Variants in SPOCK2 observed in about 807,000 individuals in gnomAD.
SPOCK2 encodes testican-2.
SPOCK2 carries 39 observed loss-of-function variants against 60.1 expected under a neutral mutation model. The observed-to-expected ratio is 0.65, with a 90% CI of 0.50 to 0.85. The LOEUF (loss-of-function observed/expected upper bound fraction) is 0.85, where lower values mean the gene tolerates loss of function less well. Ranked by LOEUF, SPOCK2 falls within the 40% of genes least tolerant of loss-of-function variation. The pLI is 0.00. For missense variants in SPOCK2, 523 were observed against 567.4 expected (o/e 0.92, Z 0.80); for synonymous variants, 217 against 231.5 (o/e 0.94, Z 0.57).
At chr10:72,063,237 C>T in intron 9 of SPOCK2, 75 bp from the exon 10 acceptor site, 2 of 1,534,916 alleles carry the variant, frequency 1.3e-6, no homozygotes, top group Non-Finnish European at 1.8e-6. Flanking sequence ...GACCTCAGGT[C>T]CTCATGCATG....
At chr10:72,078,942 T>C (rs1019373233) in intron 1 of SPOCK2, among the ~76,000 whole-genome samples, 1 of 152,248 alleles carries the variant, frequency 6.6e-6, no homozygotes, top group African/African-American at 2.4e-5. Context: ...TTCTTCTCTC[T>C]ATGCCCAACA....
intron 1 of SPOCK2, among the ~76,000 whole-genome samples, chr10:72,082,853 CAAAAAA>C (rs770751183): frequency 1.1e-4 from 5 of 46,046 alleles, no homozygotes; most frequent in Admixed American, 1.0e-3. Context: ...GACCCTGTCT[CAAAAAA>C]AAAAAAAAAA....
chr10:72,062,658 AG>A lies in SPOCK2; in HGVS notation c.*101del. ...CACTCCCAGTCCCCCCAGGTGGAGC[AG>A]GGTCCTTCTGACTGCATTTCTGGAT... On this transcript the variant is annotated 3_prime_UTR_variant, in exon 11 of 11. Transcript: ENST00000373109. The surrounding 1 kb of genome is among the most constrained non-coding windows in gnomAD (Gnocchi z 4.3). The A allele has an allele frequency of 6.6e-7, 1 of 1,512,764 alleles. No individual in the cohort carries two copies. Among genetic ancestry groups the A allele is most frequent in the Non-Finnish European group, 8.8e-7 (1 of 1,139,308 alleles). The allele number at this position is 1,512,764 out of a possible 1,614,324, so 93.7% of individuals were successfully genotyped here. A position where few individuals can be genotyped will look rare whatever the true frequency, so the allele number is the denominator to read the frequency against.
intron 8 of SPOCK2, among the ~76,000 whole-genome samples, chr10:72,064,824 G>A (rs907069090): frequency 2.0e-4 from 30 of 151,884 alleles, no homozygotes; most frequent in Admixed American, 5.9e-4. Flanking sequence ...TCTGCCTCCC[G>A]GGTTCACGCC....
intron 1 of SPOCK2, 23 bp from the exon 2 acceptor site, chr10:72,072,933 A>G: frequency 6.4e-7 from 1 of 1,554,314 alleles, no homozygotes; most frequent in Non-Finnish European, 8.7e-7. Flanking sequence ...GAACAGCAGC[A>G]GGCCATGGAA....
intron 1 of SPOCK2, among the ~76,000 whole-genome samples, chr10:72,074,382 C>T (rs912992626): frequency 2.0e-5 from 3 of 151,866 alleles, no homozygotes; most frequent in Admixed American, 1.3e-4. Flanking sequence ...GTGCATGCTT[C>T]TGCATGTGTG....
At chr10:72,064,386 T>A (rs1840539753) in intron 8 of SPOCK2, 146 bp from the exon 9 acceptor site, 1 of 876,618 alleles carries the variant, frequency 1.1e-6, no homozygotes, top group Admixed American at 3.4e-5. Flanking sequence ...ACAGCAGGGG[T>A]GGGAAGTACA....
intron 1 of SPOCK2, 59 bp downstream of exon 1, chr10:72,088,081 G>A: frequency 6.3e-7 from 1 of 1,591,646 alleles, no homozygotes; most frequent in Non-Finnish European, 8.6e-7. Context: ...GCAGACCCCG[G>A]AGCTCAATCC....
At chr10:72,075,157 C>T (rs1351184267) in intron 1 of SPOCK2, among the ~76,000 whole-genome samples, 1 of 152,174 alleles carries the variant, frequency 6.6e-6, no homozygotes, top group Non-Finnish European at 1.5e-5. Context: ...GTCCACCCCA[C>T]AGGAGATGGA....
rs531842927 is a variant in SPOCK2 at position 72,063,051 on chromosome 10, G to C, written c.1103C>G (p.Thr368Arg). 1.3e-6 allele frequency: 2 copies of C among 1,553,534 alleles called. No homozygotes were observed. Among genetic ancestry groups the C allele is most frequent in the East Asian group, 4.9e-5 (2 of 41,012 alleles). The change falls in exon 10 of 11, where the codon ACG (threonine) becomes AGG (arginine). Residue 368 changes from threonine to arginine, a missense_variant. Thr to Arg is a moderately conservative substitution (Grantham distance 71). Transcript: ENST00000373109. ...GCAGTCGGGGCTCCCATGCGTGCGC[G>C]TGCCAGTCAGCTCCAGGCCCAGCTG... ...VDQLGLELTG[T>R]RTHGSPDCDD...
At chr10:72,068,667 CCT>C in intron 5 of SPOCK2, 1 of 249,054 alleles carries the variant, frequency 4.0e-6, no homozygotes. Context: ...GCTCTCATGG[CCT>C]GTTCCTTGGT....
intron 1 of SPOCK2, among the ~76,000 whole-genome samples, chr10:72,075,601 T>A (rs1840705897): frequency 6.6e-6 from 1 of 152,180 alleles, no homozygotes; most frequent in South Asian, 2.1e-4. Flanking sequence ...TGGGGGAAAG[T>A]GGGGATGGCG....
intron 1 of SPOCK2, among the ~76,000 whole-genome samples, chr10:72,077,876 C>T (rs574862310): frequency 5.3e-5 from 8 of 152,166 alleles, no homozygotes; most frequent in East Asian, 1.9e-4. Context: ...CTACACCCAC[C>T]GGCCAGGACC....
Position 72,067,722 on chromosome 10 carries a change from G to A in SPOCK2, c.600C>T (p.Thr200=), listed in dbSNP as rs760125050. ...STADGKPETC[T]GQDLADLGDR... ...CTCCCAGGTCAGCCAGGTCCTGACC[G>A]GTGCAAGTCTCTGCAGAACAGAGAG... Residue 200 remains threonine (T), a synonymous_variant, in exon 7 of 11, where the codon ACC becomes ACT. Transcript: ENST00000373109. 1.7e-4 allele frequency: 277 copies of A among 1,613,120 alleles called. No homozygotes were observed. Among genetic ancestry groups the A allele is most frequent in the South Asian group, 1.7e-3 (154 of 90,964 alleles).
Position 72,088,342 on chromosome 10 carries a change from C to G in SPOCK2, c.-14G>C. On this transcript the variant is annotated 5_prime_UTR_variant, in exon 1 of 11. Transcript: ENST00000373109. ...CGGGGCGCGCATCGTGGTCTGGGTT[C>G]GACCTGGGGGGGTCTTGACTTCTGC... 1 of 1,510,022 alleles carries G rather than the reference C, an allele frequency of 6.6e-7. No individual in the cohort carries two copies. The highest frequency in any genetic ancestry group is 8.7e-7 in the Non-Finnish European group (1 of 1,144,178). 93.5% of individuals were successfully genotyped at this position (1,510,022 alleles called of 1,614,324 possible).
In SPOCK2 at chr10:72,064,492, A is replaced by T. The variant is rs557059387; in HGVS notation, c.929-252T>A. Reference sequence around the variant, plus strand: ...GGTCCCCAAGAAGTCCTAGGGACCCATGAGAGGAGTAACAGGATTCAGAAG... The same window carrying T: ...GGTCCCCAAGAAGTCCTAGGGACCCTTGAGAGGAGTAACAGGATTCAGAAG... On this transcript the variant is annotated intron_variant, in intron 8 of 10. Coordinates refer to ENST00000373109, the MANE Select transcript of SPOCK2 (RefSeq NM_001244950.2). Among the ~76,000 whole-genome samples the T allele has an allele frequency of 2.7e-4, 41 of 152,290 alleles. No individual in the cohort carries two copies. The South Asian group carries it at 7.3e-3, about 27-fold the overall frequency.
chr10:72,070,153 G>T, intron 5 of SPOCK2, 159 bp downstream of exon 5: 1 of 625,542 alleles, frequency 1.6e-6, no homozygotes, highest in Non-Finnish European at 2.7e-6. Flanking sequence ...GCTGCAGGTG[G>T]CCCCAGTATG....
Position 72,088,447 on chromosome 10 carries a change from C to T in SPOCK2, c.-119G>A. The T allele has an allele frequency of 8.2e-7, 1 of 1,219,276 alleles. No homozygotes were observed. The allele number at this position is 1,219,276 out of a possible 1,614,324, so 75.5% of individuals were successfully genotyped here. A position where few individuals can be genotyped will look rare whatever the true frequency, so the allele number is the denominator to read the frequency against. ...CCTCAGCTCTCCTCCCGCGGTCTGC[C>T]TCCGGTGACTGGCGGAGAGTGGGTC... On this transcript the variant is annotated 5_prime_UTR_variant, in exon 1 of 11. Coordinates refer to ENST00000373109, the MANE Select transcript of SPOCK2 (RefSeq NM_001244950.2).
At chr10:72,075,029 C>T (rs1443581446) in intron 1 of SPOCK2, among the ~76,000 whole-genome samples, 1 of 152,174 alleles carries the variant, frequency 6.6e-6, no homozygotes, top group East Asian at 1.9e-4. Flanking sequence ...TTGACCTGAG[C>T]GCTCCTGAGC....
Sources: allele counts gnomAD v4.1 joint callset (sites outside exome capture counted in the v4.1 genomes callset), GRCh38; gene constraint gnomAD v4.1.1; non-coding constraint Gnocchi (gnomAD v3.1); transcripts MANE v1.5; gene names NCBI Gene and HGNC (gene_info 2026-07-23, HGNC 2026-07-21).